WDPCP: variants seen among roughly 807,000 people sequenced by gnomAD.
WDPCP encodes the protein WD repeat containing planar cell polarity effector, also known as WD repeat-containing and planar cell polarity effector protein fritz homolog.
A neutral mutation model predicts 93.1 loss-of-function variants in WDPCP; 71 were observed. The ratio of observed to expected loss-of-function variants is 0.76; its 90% CI spans 0.63 to 0.93. The LOEUF (loss-of-function observed/expected upper bound fraction) is 0.93. WDPCP is among the 40% of genes least tolerant of loss of function. The probability of loss-of-function intolerance (pLI) is 0.00; values close to 1 mark genes in which losing one functional copy is unlikely to be tolerated. For synonymous variants in WDPCP, 315 were observed against 315.0 expected, an observed-to-expected ratio of 1.00 and a Z score of 0.00; for missense variants, 844 against 887.4, an observed-to-expected ratio of 0.95 and a Z score of 0.62.
intron 13 of WDPCP, among the ~76,000 whole-genome samples, chr2:63,304,883 C>A (rs916379490): frequency 6.6e-6 from 1 of 152,086 alleles, no homozygotes; most frequent in Admixed American, 6.6e-5. Flanking sequence ...GTTTGAAGTC[C>A]ACCTGGGACA....
intron 15 of WDPCP, among the ~76,000 whole-genome samples, chr2:63,171,494 C>T (rs568462948): frequency 1.3e-5 from 2 of 152,178 alleles, no homozygotes; most frequent in East Asian, 3.9e-4. Flanking sequence ...CATTCTTCAC[C>T]CAACAGAATA....
At chr2:63,226,710 A>T (rs965761410) in intron 14 of WDPCP, among the ~76,000 whole-genome samples, 10 of 151,912 alleles carry the variant, frequency 6.6e-5, no homozygotes, top group Non-Finnish European at 1.3e-4. Flanking sequence ...TTATGAGTAT[A>T]CTTAATTCTA....
At chr2:63,701,133 T>A (rs933789386) in intron 2 of WDPCP, among the ~76,000 whole-genome samples, 11 of 152,096 alleles carry the variant, frequency 7.2e-5, no homozygotes, top group Admixed American at 7.2e-4. Flanking sequence ...CCAGGATATA[T>A]AAGGAGCTCA....
At chr2:63,197,594 A>G (rs1049216341) in intron 14 of WDPCP, among the ~76,000 whole-genome samples, 2 of 152,262 alleles carry the variant, frequency 1.3e-5, no homozygotes, top group Admixed American at 1.3e-4. Flanking sequence ...CATCAATAGA[A>G]TGAGCATGAA....
chr2:63,691,007 A>T (rs946585609), intron 2 of WDPCP, among the ~76,000 whole-genome samples: 2 of 152,218 alleles, frequency 1.3e-5, no homozygotes, highest in African/African-American at 4.8e-5. Context: ...AATGTATATC[A>T]GTGGGGAGAA....
intron 13 of WDPCP, among the ~76,000 whole-genome samples, chr2:63,308,094 C>T (rs566650228): frequency 1.8e-4 from 28 of 152,208 alleles, no homozygotes; most frequent in Middle Eastern, 6.8e-3. Context: ...AGAATATGAA[C>T]AGACACTTCT....
At chr2:63,380,642 G>A (rs1387168889) in intron 11 of WDPCP, among the ~76,000 whole-genome samples, 1 of 152,120 alleles carries the variant, frequency 6.6e-6, no homozygotes, top group Non-Finnish European at 1.5e-5. Flanking sequence ...AGAATCGCTT[G>A]AACCTGGGAG....
Position 63,122,034 on chromosome 2 carries a change from A to G in WDPCP, c.2213T>C (p.Leu738Pro). The G allele has an allele frequency of 6.2e-7, 1 of 1,613,282 alleles. No individual in the cohort carries two copies. Among genetic ancestry groups the G allele is most frequent in the Non-Finnish European group, 8.5e-7 (1 of 1,179,508 alleles). The change falls in exon 18 of 18, where the codon CTC (leucine) becomes CCC (proline). Residue 738 changes from leucine (L) to proline (P), a missense_variant. By Grantham distance (98) the Leu-to-Pro change is moderately conservative. Transcript: ENST00000272321. ...CACCAGACCAAAGTGAATCATTTTG[A>G]GAGAACCACCATCTCTGATTTCCTG... ...REQEIRDGGSLKMIHFGLV is the reference protein window; with the variant it reads ...REQEIRDGGSPKMIHFGLV
chr2:63,728,100 T>C lies in WDPCP; in HGVS notation n.309-77262A>G, dbSNP rs796306366. ...GGAGAATATCTGAAGACAAAATTAA[T>C]GTATCTTCTAACATCTAACTATGCA... On this transcript the variant is annotated intron_variant and non_coding_transcript_variant, in intron 2 of 4. Coordinates refer to the WDPCP transcript ENST00000467687. Among the ~76,000 whole-genome samples, 5 of 152,338 alleles carry C rather than the reference T, an allele frequency of 3.3e-5. 1 individual carries two copies. Among genetic ancestry groups the C allele is most frequent in the African/African-American group, 1.2e-4 (5 of 41,586 alleles).
chr2:63,339,196 T>G (rs1259620242), intron 12 of WDPCP, among the ~76,000 whole-genome samples: 1 of 152,076 alleles, frequency 6.6e-6, no homozygotes. Flanking sequence ...TTTTTTGAGA[T>G]GGAGTCTCAC....
intron 17 of WDPCP, among the ~76,000 whole-genome samples, chr2:63,129,884 T>C (rs1670176025): frequency 6.6e-6 from 1 of 152,224 alleles, no homozygotes. Flanking sequence ...ATGTAATTAT[T>C]ATGTAAATCA....
At chr2:63,545,776 C>T (rs1235670553) in intron 1 of WDPCP, among the ~76,000 whole-genome samples, 1 of 151,588 alleles carries the variant, frequency 6.6e-6, no homozygotes, top group East Asian at 1.9e-4. Flanking sequence ...TATGACACAC[C>T]TCCTTGGCAA....
chr2:63,780,524 G>C (rs748138302), intron 2 of WDPCP, among the ~76,000 whole-genome samples: 1 of 152,130 alleles, frequency 6.6e-6, no homozygotes, highest in Non-Finnish European at 1.5e-5. Context: ...TAGAGAAGTA[G>C]GTATTTTTCC....
chr2:63,618,670 G>A (rs1413643152), intron 3 of WDPCP, among the ~76,000 whole-genome samples: 1 of 151,632 alleles, frequency 6.6e-6, no homozygotes, highest in Non-Finnish European at 1.5e-5. Flanking sequence ...TTGATAGAAG[G>A]ATAGAAGTGG....
upstream of WDPCP, chr2:63,590,951 A>G (rs1314239285): frequency 1.3e-5 from 2 of 152,244 alleles, no homozygotes; most frequent in Non-Finnish European, 2.9e-5. Context: ...AATAAACTGT[A>G]TGAAGGAATC....
chr2:63,521,506 G>A (rs1260021692), intron 1 of WDPCP, among the ~76,000 whole-genome samples: 1 of 152,018 alleles, frequency 6.6e-6, no homozygotes, highest in Non-Finnish European at 1.5e-5. Flanking sequence ...CCCCATACAG[G>A]AGCACCCAGA....
chr2:63,710,073 G>C (rs1669237360), intron 2 of WDPCP, among the ~76,000 whole-genome samples: 1 of 152,124 alleles, frequency 6.6e-6, no homozygotes, highest in Non-Finnish European at 1.5e-5. Flanking sequence ...AACTTCTTTT[G>C]CCCCTCCGGA....
intron 2 of WDPCP, among the ~76,000 whole-genome samples, chr2:63,802,403 C>T (rs943350167): frequency 6.8e-6 from 1 of 147,684 alleles, no homozygotes; most frequent in Non-Finnish European, 1.5e-5. Flanking sequence ...TTTCTTTTAA[C>T]CCATAGATAC....
At position 63,382,107 on chromosome 2, in the gene WDPCP, A is replaced by G. The variant is rs188045310; in HGVS notation, c.1436-13T>C. On this transcript the variant is annotated splice_polypyrimidine_tract_variant and intron_variant, in intron 10 of 17. Transcript: ENST00000272321. Reference sequence around the variant, plus strand: ...CGAGTGAAGACGCCTATCACAAAACATGGAAAACCAGGTGAATCTTTTAAA... The same window carrying G: ...CGAGTGAAGACGCCTATCACAAAACGTGGAAAACCAGGTGAATCTTTTAAA... The G allele has an allele frequency of 6.2e-7, 1 of 1,610,440 alleles. No homozygotes were observed. The highest frequency in any genetic ancestry group is 1.3e-5 in the African/African-American group (1 of 75,008).
Sources: allele counts gnomAD v4.1 joint callset (sites outside exome capture counted in the v4.1 genomes callset), GRCh38; gene constraint gnomAD v4.1.1; transcripts MANE v1.5; gene names NCBI Gene and HGNC (gene_info 2026-07-23, HGNC 2026-07-21).